Variants in AAK1 observed in about 807,000 individuals in gnomAD.
AAK1 encodes AP2 associated kinase 1.
A neutral mutation model predicts 116.0 loss-of-function variants in AAK1; 37 were observed. The observed-to-expected ratio is 0.32, with a 90% CI of 0.25 to 0.42. The LOEUF (loss-of-function observed/expected upper bound fraction) is 0.42. Ranked by LOEUF, AAK1 falls within the 10% of genes least tolerant of loss-of-function variation. The pLI, the probability that AAK1 is intolerant of heterozygous loss-of-function variation, is 1.00. For missense variants in AAK1, 919 were observed against 1,170.6 expected (o/e 0.79, Z 3.14); for synonymous variants, 458 against 439.9 (o/e 1.04, Z -0.51).
At chr2:69,548,441 G>GT (rs1247451879) in intron 3 of AAK1, among the ~76,000 whole-genome samples, 3 of 151,868 alleles carry the variant, frequency 2.0e-5, no homozygotes, top group Admixed American at 6.6e-5. Context: ...CGTTTTCTTT[G>GT]TTTTTTCTAT....
intron 2 of AAK1, among the ~76,000 whole-genome samples, chr2:69,582,353 C>G (rs911114115): frequency 6.6e-6 from 1 of 152,110 alleles, no homozygotes; most frequent in Non-Finnish European, 1.5e-5. Flanking sequence ...TATCTCTATA[C>G]ATGAAAAACC....
At chr2:69,527,507 A>C (rs1254312894) in intron 8 of AAK1, among the ~76,000 whole-genome samples, 188 bp from the exon 9 acceptor site, 2 of 152,170 alleles carry the variant, frequency 1.3e-5, no homozygotes, top group Non-Finnish European at 2.9e-5. Context: ...GAAATATTTA[A>C]TATCCATAAG....
chr2:69,539,257 G>C (rs1347399563), intron 5 of AAK1, among the ~76,000 whole-genome samples: 1 of 152,148 alleles, frequency 6.6e-6, no homozygotes, highest in Non-Finnish European at 1.5e-5. Context: ...AATAAGACAG[G>C]GACTGGAAAA....
chr2:69,541,414 T>TAG (rs1670717987), intron 5 of AAK1, among the ~76,000 whole-genome samples: 1 of 151,898 alleles, frequency 6.6e-6, no homozygotes, highest in Admixed American at 6.6e-5. Context: ...GTATTTTTAG[T>TAG]AGAGACGTGG....
chr2:69,536,199 T>C (rs1670465922), intron 5 of AAK1, among the ~76,000 whole-genome samples: 1 of 152,086 alleles, frequency 6.6e-6, no homozygotes, highest in South Asian at 2.1e-4. Context: ...CAGTTGAGAT[T>C]GGCGAGGAAG....
At chr2:69,504,498 T>A (rs1053071452) in intron 16 of AAK1, among the ~76,000 whole-genome samples, 5 of 149,856 alleles carry the variant, frequency 3.3e-5, no homozygotes, top group Non-Finnish European at 7.4e-5. Context: ...CTGGGCATGG[T>A]GGCTCACGCC....
At position 69,463,348 on chromosome 2, in the gene AAK1, G is replaced by T. The variant is rs915909825; in HGVS notation, c.*12521C>A. ...CAGAAATCTTCCCATTGAGATACAG[G>T]CTTTATTTTTATTATTATATTTTTG... is the stretch of plus-strand genomic sequence containing the variant. On this transcript the variant is annotated 3_prime_UTR_variant, in exon 22 of 22. Transcript: ENST00000409085. The T allele has an allele frequency of 6.6e-6, 1 of 151,976 alleles. No individual in the cohort carries two copies. Among genetic ancestry groups the T allele is most frequent in the African/African-American group, 2.4e-5 (1 of 41,362 alleles). 9.4% of individuals were successfully genotyped at this position (151,976 alleles called of 1,614,324 possible). A position where few individuals can be genotyped will look rare whatever the true frequency, so the allele number is the denominator to read the frequency against.
chr2:69,501,770 G>C (rs534995252), intron 16 of AAK1, among the ~76,000 whole-genome samples: 1 of 152,272 alleles, frequency 6.6e-6, no homozygotes, highest in East Asian at 1.9e-4. Context: ...ACGAATTTGA[G>C]ACCAGCCTGG....
At chr2:69,603,040 A>G (rs1673647141) in intron 2 of AAK1, among the ~76,000 whole-genome samples, 1 of 152,220 alleles carries the variant, frequency 6.6e-6, no homozygotes, top group South Asian at 2.1e-4. Flanking sequence ...AAAAGTAAGG[A>G]TGAATGGATG....
intron 2 of AAK1, among the ~76,000 whole-genome samples, chr2:69,576,242 T>C (rs1344816664): frequency 3.3e-5 from 5 of 152,206 alleles, no homozygotes; most frequent in East Asian, 1.9e-4. Flanking sequence ...TATACAATGA[T>C]TGACAACCCC....
chr2:69,640,049 A>ACTCT (rs1158229745), intron 2 of AAK1, among the ~76,000 whole-genome samples: 16 of 115,092 alleles, frequency 1.4e-4, no homozygotes, highest in East Asian at 5.0e-4. Context: ...ACACACACAC[A>ACTCT]CACACTCTCT....
intron 2 of AAK1, among the ~76,000 whole-genome samples, chr2:69,633,879 T>G (rs1157711503): frequency 6.6e-6 from 1 of 151,950 alleles, no homozygotes; most frequent in Non-Finnish European, 1.5e-5. Flanking sequence ...GTCAACAATG[T>G]TATGAGAGGG....
intron 2 of AAK1, among the ~76,000 whole-genome samples, chr2:69,596,942 G>A (rs1673323037): frequency 1.3e-5 from 2 of 152,150 alleles, no homozygotes; most frequent in East Asian, 1.9e-4. Flanking sequence ...GAAGGCGAGG[G>A]TGTTACCAGT....
At position 69,482,734 on chromosome 2, in the gene AAK1, C is replaced by T. The variant is rs1302838722; in HGVS notation, c.2444G>A (p.Gly815Asp). The part of the protein sequence containing the change: ...PDLLPMTDPF[G>D]STSDAVIEKA... ...ACCAATTACAGCATCAGAAGTGCTA[C>T]CAAAAGGATCTGTCATAGGCAAGAG... The change falls in exon 18 of 22, where the codon GGT becomes GAT. Residue 815 changes from glycine to aspartate, a missense_variant. Physicochemically the swap from Gly to Asp is moderately conservative, Grantham distance 94 (BLOSUM62 -1). Transcript: ENST00000409085. The T allele has an allele frequency of 2.5e-6, 4 of 1,612,392 alleles. No homozygotes were observed. Among genetic ancestry groups the T allele is most frequent in the Non-Finnish European group, 3.4e-6 (4 of 1,178,512 alleles).
At chr2:69,532,830 AT>A (rs1670311843) in intron 5 of AAK1, among the ~76,000 whole-genome samples, 1 of 152,168 alleles carries the variant, frequency 6.6e-6, no homozygotes, top group East Asian at 1.9e-4. Context: ...TATTGCCCTA[AT>A]TTTTTAAATA....
In AAK1 at chr2:69,473,111, C is replaced by T. The variant is rs529919532; in HGVS notation, c.*2758G>A. ...CATCTAGTCCAAACCCATCGTATAA[C>T]TCTAAGGAACAGCAACTCTGAGAGG... On this transcript the variant is annotated 3_prime_UTR_variant, in exon 22 of 22. Transcript: ENST00000409085. 10 of 877,374 alleles carry T rather than the reference C, an allele frequency of 1.1e-5. No homozygotes were observed. The African/African-American group carries it at 1.6e-4, about 14-fold the overall frequency. 54.3% of individuals were successfully genotyped at this position (877,374 alleles called of 1,614,324 possible).
chr2:69,480,775 AG>A, intron 19 of AAK1, 84 bp downstream of exon 19: 1 of 1,189,402 alleles, frequency 8.4e-7, no homozygotes, highest in Non-Finnish European at 1.2e-6. Context: ...AAATAAGCCC[AG>A]GAACGACTGA....
rs1328587544 is a variant in AAK1, at chr2:69,460,975, T to A, written c.*14894A>T. ...AAGGTCACAACTTCTATGTTCCCTA[T>A]CAAATGTGTAAAGCAAAAACACAAC... is the stretch of plus-strand genomic sequence containing the variant. On this transcript the variant is annotated 3_prime_UTR_variant, in exon 22 of 22. Transcript: ENST00000409085. 6.6e-6 allele frequency: 1 copy of A among 152,208 alleles called. No homozygotes were observed. Among genetic ancestry groups the A allele is most frequent in the Non-Finnish European group, 1.5e-5 (1 of 68,036 alleles). 9.4% of individuals were successfully genotyped at this position (152,208 alleles called of 1,614,324 possible). A position where few individuals can be genotyped will look rare whatever the true frequency, so the allele number is the denominator to read the frequency against.
chr2:69,623,679 C>T (rs1336063314), intron 2 of AAK1, among the ~76,000 whole-genome samples: 1 of 152,144 alleles, frequency 6.6e-6, no homozygotes, highest in Non-Finnish European at 1.5e-5. Context: ...TTAAACCCCA[C>T]AACTCTGAAT....
Sources: allele counts gnomAD v4.1 joint callset (sites outside exome capture counted in the v4.1 genomes callset), GRCh38; gene constraint gnomAD v4.1.1; transcripts MANE v1.5; gene names NCBI Gene and HGNC (gene_info 2026-07-23, HGNC 2026-07-21).